The following ARID4B variants were observed in gnomAD, a reference collection of about 807,000 sequenced individuals.
ARID4B encodes AT-rich interactive domain-containing protein 4B.
ARID4B carries 26 observed loss-of-function variants against 147.5 expected under a neutral mutation model. The observed-to-expected ratio is 0.18, with a 90% confidence interval of 0.13 to 0.24. The LOEUF (loss-of-function observed/expected upper bound fraction) is 0.24. Ranked by LOEUF, ARID4B falls within the 10% of genes least tolerant of loss-of-function variation. The pLI is 1.00. For missense variants in ARID4B, 1,179 were observed against 1,511.5 expected (o/e 0.78, Z 3.65); for synonymous variants, 512 against 507.9 (o/e 1.01, Z -0.11).
At chr1:235,215,124 C>A (rs193209498) in intron 16 of ARID4B, among the ~76,000 whole-genome samples, 3 of 152,116 alleles carry the variant, frequency 2.0e-5, no homozygotes, top group African/African-American at 4.8e-5. Context: ...GGATTACAGC[C>A]GTGAGCCACC....
At chr1:235,214,412 C>T (rs1252796259) in intron 16 of ARID4B, among the ~76,000 whole-genome samples, 1 of 152,126 alleles carries the variant, frequency 6.6e-6, no homozygotes, top group Non-Finnish European at 1.5e-5. Flanking sequence ...TGCCATTTTA[C>T]AACTAAAAAT....
chr1:235,240,242 A>G, intron 8 of ARID4B, 71 bp downstream of exon 8: 3 of 1,345,040 alleles, frequency 2.2e-6, no homozygotes, highest in Non-Finnish European at 1.0e-6. Flanking sequence ...GAAAAACATT[A>G]GTAAGAAAAT....
At chr1:235,203,049 GAC>G (rs1666059442) in intron 17 of ARID4B, among the ~76,000 whole-genome samples, 1 of 152,150 alleles carries the variant, frequency 6.6e-6, no homozygotes, top group Non-Finnish European at 1.5e-5. Context: ...AAACAGTAAT[GAC>G]AAATTGTGAA....
chr1:235,224,527 T>C (rs1416402751), intron 12 of ARID4B, among the ~76,000 whole-genome samples, 176 bp downstream of exon 12: 1 of 152,196 alleles, frequency 6.6e-6, no homozygotes, highest in East Asian at 1.9e-4. Flanking sequence ...ATCAAATTCC[T>C]CATTCTACTT....
intron 17 of ARID4B, among the ~76,000 whole-genome samples, chr1:235,201,586 A>G (rs1665923479): frequency 6.6e-6 from 1 of 152,182 alleles, no homozygotes; most frequent in African/African-American, 2.4e-5. Flanking sequence ...GGCCTCCCGA[A>G]GTGCTGGGAT....
intron 8 of ARID4B, among the ~76,000 whole-genome samples, chr1:235,239,571 C>T (rs574222505): frequency 2.6e-5 from 4 of 152,200 alleles, no homozygotes; most frequent in African/African-American, 7.2e-5. Context: ...CTATACATGG[C>T]CCTTTCAACT....
chr1:235,236,533 A>G (rs1572046442), intron 8 of ARID4B, among the ~76,000 whole-genome samples: 1 of 148,460 alleles, frequency 6.7e-6, no homozygotes, highest in African/African-American at 2.5e-5. Context: ...TGTGTGTTTG[A>G]GATGGGGTCT....
At chr1:235,189,992 A>G (rs1044334197) in intron 19 of ARID4B, 1 of 154,432 alleles carries the variant, frequency 6.5e-6, no homozygotes, top group African/African-American at 2.4e-5. Context: ...AAGTTGCTAG[A>G]ATGAAAGAGT....
intron 2 of ARID4B, among the ~76,000 whole-genome samples, chr1:235,277,818 A>C (rs1671437020): frequency 6.6e-6 from 1 of 152,160 alleles, no homozygotes; most frequent in East Asian, 1.9e-4. Flanking sequence ...GGACCATAAG[A>C]AACAATTTCA....
intron 17 of ARID4B, among the ~76,000 whole-genome samples, chr1:235,204,776 G>A (rs146531720): frequency 1.1e-4 from 17 of 152,198 alleles, no homozygotes; most frequent in Middle Eastern, 3.4e-3. Context: ...TTATTTGTGC[G>A]TACTTAGACA....
intron 8 of ARID4B, among the ~76,000 whole-genome samples, chr1:235,236,301 G>A (rs985850709): frequency 3.2e-4 from 49 of 151,802 alleles, no homozygotes; most frequent in African/African-American, 1.2e-3. Flanking sequence ...ATAATTCTAA[G>A]AATTTAAAAA....
chr1:235,237,921 C>A (rs964701430), intron 8 of ARID4B, among the ~76,000 whole-genome samples: 10 of 151,934 alleles, frequency 6.6e-5, no homozygotes, highest in African/African-American at 2.4e-4. Context: ...GAGGCTGAGG[C>A]GGGCAGATCA....
At chr1:235,190,308 C>G (rs752900801) in intron 19 of ARID4B, among the ~76,000 whole-genome samples, 6 of 151,980 alleles carry the variant, frequency 3.9e-5, no homozygotes, top group Non-Finnish European at 7.4e-5. Context: ...ACTAGCCAGG[C>G]GTGGTGGCAG....
rs1456022247 is a variant in ARID4B at position 235,309,313 on chromosome 1, G to A, written c.6+17601C>T. Reference sequence around the variant, plus strand: ...CATCTGAGAAGTGAGGAGCCCCTCCGCCCGGCAGCCGCCCCATCTGAGAAG... The same window carrying A: ...CATCTGAGAAGTGAGGAGCCCCTCCACCCGGCAGCCGCCCCATCTGAGAAG... On this transcript the variant is annotated intron_variant, in intron 2 of 23. Coordinates refer to ENST00000264183, the MANE Select transcript of ARID4B (RefSeq NM_016374.6). Among the ~76,000 whole-genome samples, 3 of 138,314 alleles carry A rather than the reference G, an allele frequency of 2.2e-5. No individual in the cohort carries two copies. In the East Asian group the frequency reaches 6.6e-4, roughly 30 times the overall value. 90.7% of individuals were successfully genotyped at this position (138,314 alleles called of 152,430 possible).
chr1:235,169,145 T>C (rs1663139904), intron 23 of ARID4B, among the ~76,000 whole-genome samples: 1 of 152,202 alleles, frequency 6.6e-6, no homozygotes, highest in East Asian at 1.9e-4. Flanking sequence ...AGCTCAACTG[T>C]TGCATTCTCC....
intron 8 of ARID4B, among the ~76,000 whole-genome samples, chr1:235,237,731 A>G (rs1025310093): frequency 6.6e-6 from 1 of 152,272 alleles, no homozygotes; most frequent in African/African-American, 2.4e-5. Context: ...ATACAAATAC[A>G]TATAAACAAA....
At position 235,210,476 on chromosome 1, in the gene ARID4B, T is replaced by TTA. The variant is rs1218972183; in HGVS notation, c.1841+3291_1841+3292dup. Among the ~76,000 whole-genome samples the TTA allele has an allele frequency of 2.0e-5, 3 of 152,270 alleles. No homozygotes were observed. In the East Asian group the frequency reaches 5.8e-4, roughly 29 times the overall value. On this transcript the variant is annotated intron_variant, in intron 17 of 23. Transcript: ENST00000264183. ...AGCTGATGAGGATTTGTTGCAGTCC[T>TTA]TATTAAATTAGCTTCAGAACTGGAG...
chr1:235,230,594 T>TAAAAAAAAAAA (rs1175996354), intron 10 of ARID4B, among the ~76,000 whole-genome samples: 4 of 58,388 alleles, frequency 6.9e-5, no homozygotes, highest in Admixed American at 2.2e-4. Context: ...GACTATAAGC[T>TAAAAAAAAAAA]AAAAAAAAAA....
intron 22 of ARID4B, among the ~76,000 whole-genome samples, 155 bp downstream of exon 22, chr1:235,175,029 C>T (rs543567310): frequency 3.9e-5 from 6 of 152,218 alleles, no homozygotes; most frequent in South Asian, 4.1e-4. Context: ...TGGCTTGAAC[C>T]CAGGAGGCTG....
Sources: allele counts gnomAD v4.1 joint callset (sites outside exome capture counted in the v4.1 genomes callset), GRCh38; gene constraint gnomAD v4.1.1; transcripts MANE v1.5; gene names NCBI Gene and HGNC (gene_info 2026-07-23, HGNC 2026-07-21).